The following EBF1 variants were observed in gnomAD, a reference collection of about 807,000 sequenced individuals.
EBF1 encodes the protein EBF transcription factor 1.
EBF1 carries 10 observed loss-of-function variants against 68.4 expected under a neutral mutation model. The observed-to-expected ratio is 0.15, with a 90% CI of 0.09 to 0.25. EBF1 has a LOEUF of 0.25. EBF1 is among the 10% of genes least tolerant of loss of function. EBF1 has a pLI of 1.00. For synonymous variants in EBF1, 298 were observed against 299.8 expected (o/e 0.99, Z 0.06); for missense variants, 509 against 794.4 (o/e 0.64, Z 4.32).
intron 9 of EBF1, among the ~76,000 whole-genome samples, chr5:158,780,390 A>C (rs530185640): frequency 6.6e-6 from 1 of 152,270 alleles, no homozygotes; most frequent in South Asian, 2.1e-4. Flanking sequence ...CAACAGAAGG[A>C]GGGAGGGCTA....
At chr5:159,020,579 G>A (rs757949339) in intron 6 of EBF1, among the ~76,000 whole-genome samples, 5 of 152,120 alleles carry the variant, frequency 3.3e-5, no homozygotes, top group South Asian at 2.1e-4. Flanking sequence ...TTTCCTGCAC[G>A]CTCTGTGGCC....
At chr5:159,038,870 T>C (rs1316654334) in intron 6 of EBF1, among the ~76,000 whole-genome samples, 1 of 152,144 alleles carries the variant, frequency 6.6e-6, no homozygotes, top group Non-Finnish European at 1.5e-5. Flanking sequence ...CCACTAGCTG[T>C]AGGATCTCGG....
intron 6 of EBF1, among the ~76,000 whole-genome samples, chr5:158,857,408 C>T (rs1280019182): frequency 6.6e-6 from 1 of 151,902 alleles, no homozygotes; most frequent in Non-Finnish European, 1.5e-5. Context: ...CTCTGTTGCC[C>T]CTAAAAACAA....
chr5:158,705,044 CA>C (rs1327909411), intron 15 of EBF1, among the ~76,000 whole-genome samples: 2 of 151,906 alleles, frequency 1.3e-5, no homozygotes, highest in Non-Finnish European at 2.9e-5. Flanking sequence ...AGTGCAGTGG[CA>C]CGATCTCAGC....
At chr5:158,795,504 T>A (rs1779451272) in intron 9 of EBF1, among the ~76,000 whole-genome samples, 1 of 152,184 alleles carries the variant, frequency 6.6e-6, no homozygotes, top group Non-Finnish European at 1.5e-5. Context: ...ATGGGGTGAA[T>A]GAACCCTATG....
At chr5:158,805,782 A>G (rs1471178518) in intron 8 of EBF1, among the ~76,000 whole-genome samples, 2 of 152,022 alleles carry the variant, frequency 1.3e-5, no homozygotes, top group East Asian at 1.9e-4. Flanking sequence ...ATTTGACTGT[A>G]AGATTAGATG....
At chr5:158,959,688 C>T (rs1248464103) in intron 6 of EBF1, among the ~76,000 whole-genome samples, 6 of 151,990 alleles carry the variant, frequency 3.9e-5, no homozygotes, top group Non-Finnish European at 8.8e-5. Flanking sequence ...TATATACTTT[C>T]AAGATAGAAA....
chr5:158,726,155 T>C (rs936620636), intron 11 of EBF1, among the ~76,000 whole-genome samples: 6 of 152,218 alleles, frequency 3.9e-5, no homozygotes, highest in African/African-American at 1.2e-4. Flanking sequence ...ACTTTTTTTA[T>C]GTTTCATAAA....
chr5:159,094,695 G>A (rs1361899799), intron 4 of EBF1, among the ~76,000 whole-genome samples: 1 of 152,064 alleles, frequency 6.6e-6, no homozygotes, highest in African/African-American at 2.4e-5. Context: ...TTGCTAAATT[G>A]CTGGTTAGTA....
rs549413688 is a variant in EBF1 at position 159,056,613 on chromosome 5, T to G, written c.554+16783A>C. On this transcript the variant is annotated intron_variant, in intron 6 of 15. Coordinates refer to ENST00000313708, the MANE Select transcript of EBF1 (RefSeq NM_024007.5). ...AGGCAAAACTGTACACAAAAGTGGT[T>G]TGAGTAGGAAGAAATACAGTGTACT... Among the ~76,000 whole-genome samples the G allele has an allele frequency of 7.9e-5, 12 of 152,356 alleles. No homozygotes were observed. The East Asian group carries it at 2.3e-3, about 29-fold the overall frequency.
At chr5:158,799,799 G>A (rs932252248) in intron 8 of EBF1, among the ~76,000 whole-genome samples, 4 of 152,236 alleles carry the variant, frequency 2.6e-5, no homozygotes, top group African/African-American at 4.8e-5. Context: ...GCCTAGCATC[G>A]TCTGGGTTTC....
chr5:158,791,516 T>G (rs1171066416), intron 9 of EBF1, among the ~76,000 whole-genome samples: 1 of 151,944 alleles, frequency 6.6e-6, no homozygotes, highest in African/African-American at 2.4e-5. Flanking sequence ...TGCTACCCCA[T>G]GCAATCTCAA....
chr5:158,720,729 T>A (rs905375931), intron 11 of EBF1, among the ~76,000 whole-genome samples: 1 of 152,190 alleles, frequency 6.6e-6, no homozygotes, highest in Non-Finnish European at 1.5e-5. Flanking sequence ...ATTAAACATG[T>A]TTCTGTTGAA....
chr5:158,935,143 G>T (rs1287167290), intron 6 of EBF1, among the ~76,000 whole-genome samples: 1 of 152,320 alleles, frequency 6.6e-6, no homozygotes, highest in East Asian at 1.9e-4. Flanking sequence ...GGCCTCAATG[G>T]AGGTGCTCGG....
intron 6 of EBF1, among the ~76,000 whole-genome samples, chr5:158,989,230 G>C (rs1759776747): frequency 6.6e-6 from 1 of 152,208 alleles, no homozygotes; most frequent in African/African-American, 2.4e-5. Context: ...AAACAGAAAA[G>C]AACAAATTGG....
chr5:158,943,701 A>G (rs577331786), intron 6 of EBF1, among the ~76,000 whole-genome samples: 114 of 152,260 alleles, frequency 7.5e-4, no homozygotes, highest in Non-Finnish European at 1.4e-3. Context: ...TCCTGGGAAA[A>G]CTGTGAACCA....
intron 15 of EBF1, among the ~76,000 whole-genome samples, chr5:158,701,425 T>C (rs1293826411): frequency 1.3e-5 from 2 of 151,996 alleles, no homozygotes. Context: ...TCAACTAGAT[T>C]AAGCCTCCAC....
rs1584431363 is a variant in EBF1 at position 159,073,648 on chromosome 5, T to G, written c.486-184A>C. 1.2e-5 allele frequency: 7 copies of G among 606,936 alleles called. 1 individual carries two copies. In the East Asian group the frequency reaches 2.0e-4, roughly 17 times the overall value. The allele number at this position is 606,936 out of a possible 1,614,324, so 37.6% of individuals were successfully genotyped here. ...GTCACCTATGGGTTAATGGCCAGGC[T>G]TAACCTCTCCCTGCTCAAAGAAGGA... is the stretch of plus-strand genomic sequence containing the variant. On this transcript the variant is annotated intron_variant, in intron 5 of 15. Coordinates refer to ENST00000313708, the MANE Select transcript of EBF1 (RefSeq NM_024007.5).
chr5:158,930,170 C>CT (rs893050189), intron 6 of EBF1, among the ~76,000 whole-genome samples: 18 of 149,008 alleles, frequency 1.2e-4, no homozygotes, highest in South Asian at 4.3e-4. Context: ...GTATCTGTTA[C>CT]TTTTTTTTTT....
Sources: gnomAD v4.1 joint callset for allele counts (sites outside exome capture counted in the v4.1 genomes callset) on GRCh38, gnomAD v4.1.1 for gene constraint, MANE v1.5 for transcripts, NCBI Gene and HGNC (gene_info 2026-07-23, HGNC 2026-07-21) for gene names.